Variants in MTHFSD observed in about 807,000 individuals in gnomAD.
MTHFSD encodes the protein methenyltetrahydrofolate synthetase domain containing.
A neutral mutation model predicts 31.1 loss-of-function variants in MTHFSD; 37 were observed. That is an observed-to-expected ratio of 1.19 (90% CI 0.91 to 1.56). The LOEUF (loss-of-function observed/expected upper bound fraction) is 1.56, where lower values mean the gene tolerates loss of function less well. Among genes scored for constraint, MTHFSD ranks in the 40% most tolerant of loss-of-function variants. MTHFSD has a pLI of 0.00. For synonymous variants in MTHFSD, 221 were observed against 206.9 expected, an observed-to-expected ratio of 1.07 and a Z score of -0.59; for missense variants, 664 against 510.1, an observed-to-expected ratio of 1.30 and a Z score of -2.91.
rs137859342 is a variant in MTHFSD, at chr16:86,542,109, C to T, written c.547G>A (p.Asp183Asn). Residue 183 changes from aspartate to asparagine, a missense_variant, in exon 6 of 8, where the codon GAC becomes AAC. Transcript: ENST00000360900. The surrounding 1 kb of genome is among the most constrained non-coding windows in gnomAD (Gnocchi z 4.6). ...KETPVVTIVH[D>N]CQVVDIPEEL... is the part of the protein sequence containing the mutation. ...CCATTCATAAGGAGCACCTGGCAGT[C>T]GTGGACGATGGTGACCACCGGCGTC... is the stretch of plus-strand genomic sequence containing the variant. 403 of 1,613,186 alleles carry T rather than the reference C, an allele frequency of 2.5e-4. 1 individual carries two copies. In the African/African-American group the frequency reaches 3.4e-3, roughly 14 times the overall value.
intron 7 of MTHFSD, among the ~76,000 whole-genome samples, chr16:86,535,693 T>C (rs967935708): frequency 9.2e-5 from 14 of 152,174 alleles, no homozygotes; most frequent in East Asian, 5.8e-4. Context: ...AGATTTCCGA[T>C]TGAGAGTCAG....
intron 7 of MTHFSD, chr16:86,533,703 C>T (rs1468106479): frequency 1.3e-5 from 2 of 152,192 alleles, no homozygotes; most frequent in Non-Finnish European, 2.9e-5. Flanking sequence ...AAGAATGACT[C>T]ACCCACAATT....
intron 2 of MTHFSD, among the ~76,000 whole-genome samples, chr16:86,553,083 G>A (rs1282976589): frequency 6.6e-6 from 1 of 152,128 alleles, no homozygotes; most frequent in Non-Finnish European, 1.5e-5. Flanking sequence ...CCTTAGGCTG[G>A]CAAGGCATTC....
chr16:86,532,162 A>C lies in MTHFSD; in HGVS notation c.1001T>G (p.Leu334Arg). 6.4e-7 allele frequency: 1 copy of C among 1,569,374 alleles called. No homozygotes were observed. The highest frequency in any genetic ancestry group is 1.2e-5 in the South Asian group (1 of 85,378). Residue 334 changes from leucine (L) to arginine (R), a missense_variant, in exon 8 of 8, where the codon CTG becomes CGG. Coordinates refer to ENST00000360900, the MANE Select transcript of MTHFSD (RefSeq NM_001159377.2). ...CCGCGGGCCCTGCCAGGTGAGCCGC[A>C]GGGGCACGGAGCCGAGTTCCCGCAG... ...RALRELGSVP[L>R]RLTWQGPRRR...
chr16:86,537,338 A>C (rs542444486), intron 7 of MTHFSD, among the ~76,000 whole-genome samples: 2 of 152,172 alleles, frequency 1.3e-5, no homozygotes, highest in East Asian at 3.9e-4. Context: ...TGCCTTTTCT[A>C]CTTTATACCA....
chr16:86,546,480 T>C (rs1053101199), intron 5 of MTHFSD, 79 bp downstream of exon 5: 3 of 1,317,024 alleles, frequency 2.3e-6, no homozygotes, highest in Non-Finnish European at 3.3e-6. Context: ...CTGGCGACTT[T>C]TGAAAGACAA....
intron 3 of MTHFSD, among the ~76,000 whole-genome samples, chr16:86,551,219 GAATTA>G (rs1420242986): frequency 6.6e-6 from 1 of 152,056 alleles, no homozygotes; most frequent in Non-Finnish European, 1.5e-5. Flanking sequence ...TTATCATATT[GAATTA>G]GTTTATAATA....
intron 3 of MTHFSD, among the ~76,000 whole-genome samples, chr16:86,551,081 G>A (rs1973080492): frequency 6.6e-6 from 1 of 152,118 alleles, no homozygotes; most frequent in Non-Finnish European, 1.5e-5. Context: ...CAACCATTAC[G>A]TTAAATTAAT....
intron 4 of MTHFSD, chr16:86,547,079 C>T (rs765443211): frequency 5.0e-6 from 4 of 805,264 alleles, no homozygotes; most frequent in Non-Finnish European, 6.1e-6. Context: ...CCCTCTGCCT[C>T]GTCGGACCAG....
At position 86,542,580 on chromosome 16, in the gene MTHFSD, A is replaced by C; in HGVS notation, c.443-367T>G. ...TCAAAAAGACTAAAAACAAATTCCCACTGAAAGCAAAACATGTTTAATCAA... is the reference window on the plus strand; with the variant it reads ...TCAAAAAGACTAAAAACAAATTCCCCCTGAAAGCAAAACATGTTTAATCAA... On this transcript the variant is annotated intron_variant, in intron 5 of 7. Coordinates refer to ENST00000360900, the MANE Select transcript of MTHFSD (RefSeq NM_001159377.2). This position sits in a 1 kb window ranked among gnomAD's most constrained non-coding sequence, Gnocchi z 4.6. The C allele has an allele frequency of 5.3e-6, 1 of 189,360 alleles. No homozygotes were observed. The highest frequency in any genetic ancestry group is 1.2e-4 in the South Asian group (1 of 8,540). The allele number at this position is 189,360 out of a possible 1,614,324, so 11.7% of individuals were successfully genotyped here.
chr16:86,544,761 G>A (rs1972032975), intron 5 of MTHFSD, among the ~76,000 whole-genome samples: 1 of 152,200 alleles, frequency 6.6e-6, no homozygotes, highest in Admixed American at 6.5e-5. Context: ...GCACATGTAG[G>A]TTCACTGTAG....
rs112136225 is a variant in MTHFSD at position 86,550,883 on chromosome 16, G to A, written c.237+1150C>T. On this transcript the variant is annotated intron_variant, in intron 3 of 7. Transcript: ENST00000360900. Reference sequence around the variant, plus strand: ...AGCCTGGACCCCTCCTCTCAGCTCCGGCAAGAGGTGTGGAAAGTGCCCCTC... The same window carrying A: ...AGCCTGGACCCCTCCTCTCAGCTCCAGCAAGAGGTGTGGAAAGTGCCCCTC... Among the ~76,000 whole-genome samples, 42 of 152,294 alleles carry A rather than the reference G, an allele frequency of 2.8e-4. No homozygotes were observed. The South Asian group carries it at 3.5e-3, about 13-fold the overall frequency.
At chr16:86,546,703 T>A in intron 4 of MTHFSD, 54 bp from the exon 5 acceptor site, 2 of 1,469,206 alleles carry the variant, frequency 1.4e-6, no homozygotes, top group Non-Finnish European at 1.9e-6. Context: ...TTCCTCATTT[T>A]ATAATTCATG....
chr16:86,535,885 T>C (rs1970623234), intron 7 of MTHFSD, among the ~76,000 whole-genome samples: 1 of 152,162 alleles, frequency 6.6e-6, no homozygotes, highest in Admixed American at 6.5e-5. Flanking sequence ...GGTCTCACTG[T>C]GTCACCCAGG....
intron 7 of MTHFSD, among the ~76,000 whole-genome samples, chr16:86,539,601 T>C (rs1971201496): frequency 6.6e-6 from 1 of 152,212 alleles, no homozygotes; most frequent in Non-Finnish European, 1.5e-5. Context: ...ACTGGCCACC[T>C]GGTTTCCTTT....
intron 5 of MTHFSD, among the ~76,000 whole-genome samples, chr16:86,543,521 G>A (rs886945402): frequency 2.6e-5 from 4 of 152,180 alleles, no homozygotes; most frequent in African/African-American, 9.7e-5. Flanking sequence ...CGGCGGGGGT[G>A]GGCTTCAGTT....
At position 86,532,139 on chromosome 16, in the gene MTHFSD, G is replaced by A. The variant is rs539504329; in HGVS notation, c.1024C>T (p.Arg342Trp). Residue 342 changes from arginine to tryptophan, a missense_variant, in exon 8 of 8, where the codon CGG becomes TGG. By Grantham distance (101) the Arg-to-Trp change is moderately radical. Coordinates refer to ENST00000360900, the MANE Select transcript of MTHFSD (RefSeq NM_001159377.2). Reference protein sequence around the residue: ...VPLRLTWQGPRRRAFLHYPDS... With the variant: ...VPLRLTWQGPWRRAFLHYPDS... ...GGGTAATGGAGGAAGGCTCTGCGCC[G>A]CGGGCCCTGCCAGGTGAGCCGCAGG... The A allele has an allele frequency of 3.8e-5, 59 of 1,558,130 alleles. No individual in the cohort carries two copies. Among genetic ancestry groups the A allele is most frequent in the South Asian group, 6.0e-5 (5 of 83,374 alleles).
rs1330122296 is a variant in MTHFSD at position 86,531,266 on chromosome 16, CA to C, written c.*744del. On this transcript the variant is annotated 3_prime_UTR_variant, in exon 8 of 8. Transcript: ENST00000360900. The surrounding 1 kb of genome is among the most constrained non-coding windows in gnomAD (Gnocchi z 5.5). ...AACTGGAGGAAAAAAACCCAGAAAA[CA>C]TAAGGCACTGGGCAAATGTGACGTA... 1 of 152,190 alleles carries C rather than the reference CA, an allele frequency of 6.6e-6. No individual in the cohort carries two copies. The highest frequency in any genetic ancestry group is 1.5e-5 in the Non-Finnish European group (1 of 68,036). The allele number at this position is 152,190 out of a possible 1,614,324, so 9.4% of individuals were successfully genotyped here. A position where few individuals can be genotyped will look rare whatever the true frequency, so the allele number is the denominator to read the frequency against.
Position 86,554,634 on chromosome 16 carries a change from T to A in MTHFSD, c.123+11A>T. ...GTTTTCCTTTTCTGGACTCCAGAAA[T>A]ATGTCAGTACCTTAAAGTTGGGTAT... On this transcript the variant is annotated intron_variant, in intron 2 of 7. Coordinates refer to ENST00000360900, the MANE Select transcript of MTHFSD (RefSeq NM_001159377.2). 2 of 1,596,192 alleles carry A rather than the reference T, an allele frequency of 1.3e-6. No homozygotes were observed. The highest frequency in any genetic ancestry group is 1.7e-6 in the Non-Finnish European group (2 of 1,168,102).
Sources: allele counts gnomAD v4.1 joint callset (sites outside exome capture counted in the v4.1 genomes callset), GRCh38; gene constraint gnomAD v4.1.1; non-coding constraint Gnocchi (gnomAD v3.1); transcripts MANE v1.5; gene names NCBI Gene and HGNC (gene_info 2026-07-23, HGNC 2026-07-21).